CRYBG1: variants seen among roughly 807,000 people sequenced by gnomAD.
CRYBG1 encodes the protein crystallin beta-gamma domain containing 1, also known as beta/gamma crystallin domain-containing protein 1.
A neutral mutation model predicts 189.2 loss-of-function variants in CRYBG1; 139 were observed. The observed-to-expected ratio is 0.73, with a 90% CI of 0.64 to 0.85. CRYBG1 has a LOEUF of 0.85. CRYBG1 is among the 40% of genes least tolerant of loss of function. The pLI is 0.00. For missense variants in CRYBG1, 2,611 were observed against 2,675.8 expected (o/e 0.98, Z 0.53); for synonymous variants, 1,023 against 1,017.1 (o/e 1.01, Z -0.11).
chr6:106,369,154 C>T (rs1432052473), intron 1 of CRYBG1, among the ~76,000 whole-genome samples: 1 of 152,168 alleles, frequency 6.6e-6, no homozygotes, highest in Non-Finnish European at 1.5e-5. Context: ...CAAGGACATA[C>T]AAATGGGGCA....
chr6:106,505,694 T>C (rs541630098), intron 2 of CRYBG1, among the ~76,000 whole-genome samples: 1 of 151,698 alleles, frequency 6.6e-6, no homozygotes, highest in East Asian at 1.9e-4. Flanking sequence ...CTCAAATTCC[T>C]ATATTTTTAA....
At chr6:106,488,189 G>A (rs1047076623) in intron 2 of CRYBG1, among the ~76,000 whole-genome samples, 18 of 152,216 alleles carry the variant, frequency 1.2e-4, no homozygotes, top group African/African-American at 4.3e-4. Flanking sequence ...CTGGACATGT[G>A]CAGATGTGGC....
Position 106,520,039 on chromosome 6 carries a change from C to T in CRYBG1, c.2831C>T (p.Ala944Val). Reference sequence around the variant, plus strand: ...TTGTCCACAGAGCGTAGTCCAGAAGCTGTGGGAAGTGAGTGTCCATCCAGA... The same window carrying T: ...TTGTCCACAGAGCGTAGTCCAGAAGTTGTGGGAAGTGAGTGTCCATCCAGA... ...PPLSTERSPE[A>V]VGSECPSRVL... The change falls in exon 4 of 22, where the codon GCT (alanine) becomes GTT (valine). Residue 944 changes from alanine (A) to valine (V), a missense_variant. Physicochemically the swap from Ala to Val is moderately conservative, Grantham distance 64. Transcript: ENST00000633556. 6.2e-7 allele frequency: 1 copy of T among 1,614,174 alleles called. No homozygotes were observed. Among genetic ancestry groups the T allele is most frequent in the Non-Finnish European group, 8.5e-7 (1 of 1,180,028 alleles).
In CRYBG1 at chr6:106,519,327, TC is replaced by T. The variant is rs767308537; in HGVS notation, c.2120del (p.Ser707LeufsTer11). ...DIRGQRNTPA[S>X]SKTFVGRAKL... ...TCGAGGCCAAAGGAATACTCCTGCCTCTAGTAAAACGTTTGTTGGGAGGGCA... is the reference window on the plus strand; with the variant it reads ...TCGAGGCCAAAGGAATACTCCTGCCTTAGTAAAACGTTTGTTGGGAGGGCA... On this transcript the variant is annotated frameshift_variant, in exon 4 of 22. Coordinates refer to ENST00000633556, the MANE Select transcript of CRYBG1 (RefSeq NM_001371242.2). LOFTEE classifies it high-confidence loss of function. The T allele has an allele frequency of 2.5e-6, 4 of 1,613,964 alleles. No homozygotes were observed.
Position 106,520,007 on chromosome 6 carries a change from C to T in CRYBG1, c.2799C>T (p.Thr933=), listed in dbSNP as rs1382431045. 2 of 1,614,102 alleles carry T rather than the reference C, an allele frequency of 1.2e-6. No individual in the cohort carries two copies. The highest frequency in any genetic ancestry group is 1.7e-6 in the Non-Finnish European group (2 of 1,180,038). ...MPLLELGGET[T]PPLSTERSPE... is the part of the protein sequence containing the mutation. ...TTTTAGAACTTGGAGGAGAAACAAC[C>T]CCTCCTTTGTCCACAGAGCGTAGTC... The change falls in exon 4 of 22, where the codon ACC becomes ACT. Residue 933 remains threonine, a synonymous_variant. Coordinates refer to ENST00000633556, the MANE Select transcript of CRYBG1 (RefSeq NM_001371242.2).
At position 106,552,312 on chromosome 6, in the gene CRYBG1, G is replaced by A. The variant is rs953507922; in HGVS notation, c.5472+96G>A. On this transcript the variant is annotated intron_variant, in intron 15 of 21. Transcript: ENST00000633556. ...AAATGTCAGACATTTGGGGCCGGGT[G>A]TGGTGGCTCACGCCTGTAATCCCAG... 6 of 919,066 alleles carry A rather than the reference G, an allele frequency of 6.5e-6. No individual in the cohort carries two copies. In the African/African-American group the frequency reaches 1.0e-4, roughly 16 times the overall value. 56.9% of individuals were successfully genotyped at this position (919,066 alleles called of 1,614,324 possible).
At chr6:106,517,383 TACACAC>T (rs1196299978) in intron 3 of CRYBG1, among the ~76,000 whole-genome samples, 6 of 53,234 alleles carry the variant, frequency 1.1e-4, no homozygotes, top group Admixed American at 1.5e-4. Flanking sequence ...CACACACATA[TACACAC>T]ATATATATAT....
chr6:106,405,323 T>C (rs1326833856), intron 1 of CRYBG1, among the ~76,000 whole-genome samples: 1 of 152,232 alleles, frequency 6.6e-6, no homozygotes, highest in African/African-American at 2.4e-5. Context: ...GTAGCTGGAC[T>C]GTCTCTCTAG....
intron 1 of CRYBG1, among the ~76,000 whole-genome samples, chr6:106,373,147 G>A (rs1281925419): frequency 3.3e-5 from 5 of 152,242 alleles, no homozygotes; most frequent in Non-Finnish European, 5.9e-5. Context: ...ACCCTACTTG[G>A]TCCCATTGTA....
At chr6:106,566,462 G>GTTTTTTTTTT (rs1312190668) in intron 21 of CRYBG1, among the ~76,000 whole-genome samples, 6 of 91,012 alleles carry the variant, frequency 6.6e-5, no homozygotes, top group Admixed American at 3.8e-4. Flanking sequence ...AGCAACAACA[G>GTTTTTTTTTT]TCTTTTTTTT....
chr6:106,449,372 A>G (rs1236082595), intron 1 of CRYBG1: 2 of 152,320 alleles, frequency 1.3e-5, no homozygotes, highest in Non-Finnish European at 1.5e-5. Context: ...ACAATGTGTA[A>G]GTCTAATCTA....
At chr6:106,436,908 ACC>A (rs11297283) in intron 1 of CRYBG1, among the ~76,000 whole-genome samples, 2 of 150,048 alleles carry the variant, frequency 1.3e-5, no homozygotes, top group East Asian at 2.0e-4. Context: ...AATTAATATA[ACC>A]CCCCCCACCC....
intron 1 of CRYBG1, among the ~76,000 whole-genome samples, chr6:106,448,491 A>G (rs1771713048): frequency 6.6e-6 from 1 of 151,922 alleles, no homozygotes; most frequent in Non-Finnish European, 1.5e-5. Flanking sequence ...TAGAGAACTG[A>G]CTCTTGGATA....
intron 1 of CRYBG1, among the ~76,000 whole-genome samples, chr6:106,451,258 T>C (rs1034443368): frequency 1.3e-5 from 2 of 152,192 alleles, no homozygotes; most frequent in Admixed American, 1.3e-4. Context: ...CCTGGCATAG[T>C]CTAGATTGTT....
At chr6:106,474,636 C>T (rs1306997966) in intron 2 of CRYBG1, among the ~76,000 whole-genome samples, 2 of 152,108 alleles carry the variant, frequency 1.3e-5, no homozygotes, top group Non-Finnish European at 2.9e-5. Context: ...CCTCTGAGGG[C>T]AGAGGATGAT....
Position 106,561,448 on chromosome 6 carries a change from T to A in CRYBG1, c.6086T>A (p.Val2029Asp). The A allele has an allele frequency of 6.2e-7, 1 of 1,614,132 alleles. No homozygotes were observed. Among genetic ancestry groups the A allele is most frequent in the Non-Finnish European group, 8.5e-7 (1 of 1,179,992 alleles). Reference protein sequence around the residue: ...KLLRIQVMEDVGADDQIWIYQ... With the variant: ...KLLRIQVMEDDGADDQIWIYQ... ...CTGAGGATACAGGTCATGGAGGATG[T>A]CGGGGCCGATGATCAGATTTGGATC... The change falls in exon 20 of 22, where the codon GTC (valine) becomes GAC (aspartate). Residue 2029 changes from valine to aspartate, a missense_variant. This residue lies in a region of CRYBG1 where 1,622 missense variants were observed against 1,735.0 expected (regional missense o/e 0.93). Coordinates refer to ENST00000633556, the MANE Select transcript of CRYBG1 (RefSeq NM_001371242.2).
chr6:106,423,436 T>G (rs1478332633), intron 1 of CRYBG1, among the ~76,000 whole-genome samples: 1 of 151,990 alleles, frequency 6.6e-6, no homozygotes, highest in African/African-American at 2.4e-5. Context: ...TTAAAAAGTT[T>G]GATCTGTAGA....
chr6:106,450,216 C>CAA lies in CRYBG1; in HGVS notation c.174-1461_174-1460dup, dbSNP rs35161258. Among the ~76,000 whole-genome samples the CAA allele has an allele frequency of 6.7e-3, 750 of 111,786 alleles. 6 individuals carry two copies. Among genetic ancestry groups the CAA allele is most frequent in the Non-Finnish European group, 0.012 (617 of 51,834 alleles). The allele number at this position is 111,786 out of a possible 152,430, so 73.3% of individuals were successfully genotyped here. A position where few individuals can be genotyped will look rare whatever the true frequency, so the allele number is the denominator to read the frequency against. On this transcript the variant is annotated intron_variant, in intron 1 of 21. Coordinates refer to ENST00000633556, the MANE Select transcript of CRYBG1 (RefSeq NM_001371242.2). ...CTGGTGACAGAGTGAGACTCTGTCTCAAAAAAAAAAAAAAAAAAGTACACA... is the reference window on the plus strand; with the variant it reads ...CTGGTGACAGAGTGAGACTCTGTCTCAAAAAAAAAAAAAAAAAAAAGTACACA...
rs1356757911 is a variant in CRYBG1 at position 106,512,122 on chromosome 6, C to G, written c.1005C>G (p.Pro335=). ...GGCCCCGCAACGCCCGCAGCCAGCC[C>G]CCCAAGGGCGCGTCTGATTTGCCAG... ...SLGPRNARSQ[P]PKGASDLPGE... Residue 335 remains proline, a synonymous_variant, in exon 3 of 22, where the codon CCC becomes CCG. Coordinates refer to ENST00000633556, the MANE Select transcript of CRYBG1 (RefSeq NM_001371242.2). 12 of 1,534,380 alleles carry G rather than the reference C, an allele frequency of 7.8e-6. No individual in the cohort carries two copies. The highest frequency in any genetic ancestry group is 1.0e-5 in the Non-Finnish European group (12 of 1,145,966).
Sources: allele counts gnomAD v4.1 joint callset (sites outside exome capture counted in the v4.1 genomes callset), GRCh38; gene constraint gnomAD v4.1.1; regional missense constraint gnomAD v4.1.1; transcripts MANE v1.5; gene names NCBI Gene and HGNC (gene_info 2026-07-23, HGNC 2026-07-21).